The following RNF144A variants were observed in gnomAD, a reference collection of about 807,000 sequenced individuals.
RNF144A encodes the protein ring finger protein 144A, also known as E3 ubiquitin-protein ligase RNF144A.
RNF144A carries 11 observed loss-of-function variants against 38.7 expected under a neutral mutation model. That is an observed-to-expected ratio of 0.28 (90% CI 0.18 to 0.47). The LOEUF (loss-of-function observed/expected upper bound fraction) is 0.47, where lower values mean the gene tolerates loss of function less well. Among genes scored for constraint, RNF144A ranks in the 20% least tolerant of loss-of-function variants. RNF144A has a pLI of 0.99. For missense variants in RNF144A, 316 were observed against 377.2 expected (o/e 0.84, Z 1.34); for synonymous variants, 149 against 143.9 (o/e 1.04, Z -0.25).
At chr2:7,047,819 C>T (rs916271648), downstream of RNF144A, among the ~76,000 whole-genome samples, 1 of 152,192 alleles carries the variant, frequency 6.6e-6, no homozygotes, top group Non-Finnish European at 1.5e-5. Context: ...GTTTCATGCT[C>T]ACAAAGCTGC....
chr2:7,054,334 A>G (rs990878093), intron 6 of RNF144A, among the ~76,000 whole-genome samples: 1 of 152,266 alleles, frequency 6.6e-6, no homozygotes, highest in African/African-American at 2.4e-5. Flanking sequence ...GCACACACAT[A>G]CATATACATA....
chr2:6,960,372 G>T (rs186353326), intron 2 of RNF144A, among the ~76,000 whole-genome samples: 26 of 152,282 alleles, frequency 1.7e-4, no homozygotes, highest in African/African-American at 6.3e-4. Flanking sequence ...GGTGGCTTCT[G>T]ACATTTGAAA....
chr2:7,070,528 C>T (rs72783761), downstream of RNF144A, among the ~76,000 whole-genome samples: 7,984 of 152,214 alleles, frequency 0.052, 293 homozygotes, highest in Middle Eastern at 0.16. Flanking sequence ...TGAAGTCCCC[C>T]CTCCCAGTAC....
At chr2:6,942,119 A>G (rs1377844347) in intron 2 of RNF144A, among the ~76,000 whole-genome samples, 1 of 152,270 alleles carries the variant, frequency 6.6e-6, no homozygotes, top group East Asian at 1.9e-4. Flanking sequence ...GATATTGCAG[A>G]TGGCAGAGGA....
intron 6 of RNF144A, among the ~76,000 whole-genome samples, chr2:7,052,234 T>C (rs1022996794): frequency 1.3e-5 from 2 of 152,160 alleles, no homozygotes; most frequent in East Asian, 3.9e-4. Context: ...GCTGAGATGA[T>C]GAGAAACCTT....
At chr2:6,937,528 T>G (rs1184830762) in intron 1 of RNF144A, among the ~76,000 whole-genome samples, 1 of 152,246 alleles carries the variant, frequency 6.6e-6, no homozygotes, top group Non-Finnish European at 1.5e-5. Context: ...ATAATTCTGT[T>G]TACAGGCTCT....
intron 1 of RNF144A, among the ~76,000 whole-genome samples, chr2:6,921,563 G>A (rs190614224): frequency 2.6e-5 from 4 of 152,190 alleles, no homozygotes; most frequent in South Asian, 2.1e-4. Context: ...CACACACGTC[G>A]TCAATTTTGA....
chr2:6,945,716 C>CTT (rs200258772), intron 2 of RNF144A, among the ~76,000 whole-genome samples: 4 of 144,210 alleles, frequency 2.8e-5, no homozygotes, highest in East Asian at 4.0e-4. Flanking sequence ...TTTTTGTTGA[C>CTT]TTTTTTTTTT....
intron 3 of RNF144A, among the ~76,000 whole-genome samples, chr2:7,009,528 CT>C (rs33998416): frequency 2.7e-5 from 4 of 147,154 alleles, no homozygotes; most frequent in African/African-American, 5.0e-5. Context: ...AAGTCTGGGG[CT>C]TTTTTTTTTT....
At chr2:7,020,308 G>A (rs4669127) in intron 5 of RNF144A, among the ~76,000 whole-genome samples, 165 bp from the exon 6 acceptor site, 35,254 of 152,016 alleles carry the variant, frequency 0.23, 4,449 homozygotes, top group Non-Finnish European at 0.28. Context: ...AGCGGAGGTG[G>A]AGGTGGAAGG....
Position 6,997,080 on chromosome 2 carries a change from AAT to A in RNF144A, c.135+24_135+25del, listed in dbSNP as rs1187130720. 5 of 1,612,984 alleles carry A rather than the reference AAT, an allele frequency of 3.1e-6. No homozygotes were observed. Among genetic ancestry groups the A allele is most frequent in the Non-Finnish European group, 4.2e-6 (5 of 1,179,122 alleles). On this transcript the variant is annotated intron_variant, in intron 3 of 8. Transcript: ENST00000320892. The stretch of plus-strand genomic sequence containing the variant: ...TACTCTGGTTGGTCTTTTTGGATAA[AAT>A]ATATGTTACAGTGATTTTAGGATGA...
At chr2:7,010,161 G>T (rs558268142) in intron 3 of RNF144A, among the ~76,000 whole-genome samples, 1 of 152,274 alleles carries the variant, frequency 6.6e-6, no homozygotes, top group South Asian at 2.1e-4. Flanking sequence ...CCGGAGCACC[G>T]CTGTCTCCGG....
downstream of RNF144A, among the ~76,000 whole-genome samples, chr2:7,071,351 C>G (rs62107978): frequency 0.089 from 13,532 of 152,210 alleles, 1,166 homozygotes; most frequent in East Asian, 0.42. Flanking sequence ...ATGGGAGGCA[C>G]TGCAGAGTTC....
At chr2:7,064,709 A>T (rs1363619117) in intron 6 of RNF144A, among the ~76,000 whole-genome samples, 1 of 152,230 alleles carries the variant, frequency 6.6e-6, no homozygotes, top group East Asian at 1.9e-4. Context: ...GGATGGGAAA[A>T]GGGGAGACTG....
At chr2:6,994,571 G>C (rs934072897) in intron 2 of RNF144A, among the ~76,000 whole-genome samples, 2 of 151,954 alleles carry the variant, frequency 1.3e-5, no homozygotes, top group African/African-American at 4.8e-5. Context: ...TATGACCCTG[G>C]GGAGGACGCC....
chr2:6,940,354 C>G (rs1665885831), intron 1 of RNF144A, among the ~76,000 whole-genome samples: 1 of 152,266 alleles, frequency 6.6e-6, no homozygotes, highest in East Asian at 1.9e-4. Flanking sequence ...CTTATAATAA[C>G]ATATAGTTGT....
intron 2 of RNF144A, among the ~76,000 whole-genome samples, chr2:6,965,474 C>T (rs1418064867): frequency 6.6e-6 from 1 of 152,144 alleles, no homozygotes; most frequent in Non-Finnish European, 1.5e-5. Flanking sequence ...TATTCAGGGC[C>T]TTTATGGAGT....
At chr2:6,920,116 G>A (rs1664439198) in intron 1 of RNF144A, among the ~76,000 whole-genome samples, 1 of 152,234 alleles carries the variant, frequency 6.6e-6, no homozygotes. Context: ...GCGGCGGCAG[G>A]GTTGGGAGCT....
chr2:7,010,606 G>A (rs1311330184), intron 3 of RNF144A, among the ~76,000 whole-genome samples: 12 of 152,174 alleles, frequency 7.9e-5, no homozygotes, highest in Non-Finnish European at 4.4e-5. Context: ...AGGTATATTA[G>A]CAAATCAGCA....
Sources: gnomAD v4.1 joint callset for allele counts (sites outside exome capture counted in the v4.1 genomes callset) on GRCh38, gnomAD v4.1.1 for gene constraint, MANE v1.5 for transcripts, NCBI Gene and HGNC (gene_info 2026-07-23, HGNC 2026-07-21) for gene names.